PRKDC: variants seen among roughly 807,000 people sequenced by gnomAD.
PRKDC encodes the protein protein kinase, DNA-activated, catalytic subunit, also known as DNA-dependent protein kinase catalytic subunit.
PRKDC carries 82 observed loss-of-function variants against 486.9 expected under a neutral mutation model. The observed-to-expected ratio is 0.17, with a 90% confidence interval of 0.14 to 0.20. The LOEUF (loss-of-function observed/expected upper bound fraction) is 0.20, where lower values mean the gene tolerates loss of function less well. PRKDC is among the 10% of genes least tolerant of loss of function. The pLI is 1.00. For missense variants in PRKDC, 4,504 were observed against 5,038.2 expected (o/e 0.89, Z 3.21); for synonymous variants, 1,895 against 1,837.0 (o/e 1.03, Z -0.81).
intron 34 of PRKDC, 25 bp downstream of exon 34, chr8:47,888,493 T>C (rs746914673): frequency 4.1e-6 from 6 of 1,481,480 alleles, no homozygotes; most frequent in Admixed American, 2.4e-5. Flanking sequence ...CTAAAATAAA[T>C]GTAAAAACAA....
intron 7 of PRKDC, among the ~76,000 whole-genome samples, chr8:47,950,144 C>T (rs968873218): frequency 3.3e-5 from 5 of 151,912 alleles, no homozygotes; most frequent in Admixed American, 1.3e-4. Context: ...TGGTGGCACA[C>T]GCCTGTAATC....
At chr8:47,816,854 A>C (rs1166195358) in intron 68 of PRKDC, among the ~76,000 whole-genome samples, 1 of 152,090 alleles carries the variant, frequency 6.6e-6, no homozygotes, top group African/African-American at 2.4e-5. Flanking sequence ...GGAGGAAATA[A>C]TGGGAGACCA....
At chr8:47,901,809 G>A (rs1386551181) in intron 27 of PRKDC, among the ~76,000 whole-genome samples, 1 of 152,048 alleles carries the variant, frequency 6.6e-6, no homozygotes, top group African/African-American at 2.4e-5. Flanking sequence ...AGGTTACACA[G>A]GTAAATGTGG....
At chr8:47,929,703 G>A in intron 18 of PRKDC, 150 bp downstream of exon 18, 1 of 857,922 alleles carries the variant, frequency 1.2e-6, no homozygotes. Flanking sequence ...CTATCCAACT[G>A]CCATTCACAT....
intron 76 of PRKDC, among the ~76,000 whole-genome samples, chr8:47,787,346 A>T (rs995062869): frequency 6.6e-6 from 1 of 152,242 alleles, no homozygotes; most frequent in Non-Finnish European, 1.5e-5. Flanking sequence ...TTTGATCTGT[A>T]AGTGGATGAA....
chr8:47,871,890 CAGG>C (rs968378336), intron 40 of PRKDC, among the ~76,000 whole-genome samples: 6 of 151,686 alleles, frequency 4.0e-5, no homozygotes, highest in African/African-American at 1.4e-4. Flanking sequence ...CACGCCTGGC[CAGG>C]AGTTCTTTAA....
intron 10 of PRKDC, among the ~76,000 whole-genome samples, chr8:47,941,985 C>T (rs773068768): frequency 4.6e-5 from 7 of 152,292 alleles, no homozygotes; most frequent in Admixed American, 6.5e-5. Flanking sequence ...GAGGGCTGGC[C>T]GGCTTCCCTG....
In PRKDC at chr8:47,826,768, G is replaced by A. The variant is rs565638844; in HGVS notation, c.8671C>T (p.Arg2891Cys). The A allele has an allele frequency of 3.7e-5, 59 of 1,611,898 alleles. No homozygotes were observed. The highest frequency in any genetic ancestry group is 1.7e-4 in the Middle Eastern group (1 of 6,000). ...CGGAGCAGAGCCTCCTCTAGCAGGC[G>A]GATGCCCACGGGCTGCTGTAGGCTG... ...LASLQQPVGI[R>C]LLEEALLRLL... Residue 2891 changes from arginine to cysteine, a missense_variant, in exon 63 of 86, where the codon CGC becomes TGC. This residue lies in a region of PRKDC where 1,592 missense variants were observed against 1,724.6 expected (regional missense o/e 0.92). Transcript: ENST00000314191.
At chr8:47,915,854 C>G (rs185616138) in intron 22 of PRKDC, among the ~76,000 whole-genome samples, 2 of 152,302 alleles carry the variant, frequency 1.3e-5, no homozygotes, top group East Asian at 3.9e-4. Context: ...GTCTTTTTAG[C>G]TAACTGTAGT....
rs150355158 is a variant in PRKDC, at chr8:47,915,610, T to G, written c.2527-192A>C. 8.8e-4 allele frequency among the ~76,000 whole-genome samples: 134 copies of G among 152,378 alleles called. 3 individuals carry two copies. The East Asian group carries it at 0.024, about 27-fold the overall frequency. ...CCAAAGAGCTGTTTTATGTAGGTCCTGTTTATCAGTATTAATGACATTAGA... is the reference window on the plus strand; with the variant it reads ...CCAAAGAGCTGTTTTATGTAGGTCCGGTTTATCAGTATTAATGACATTAGA... On this transcript the variant is annotated intron_variant, in intron 22 of 85. Transcript: ENST00000314191.
rs942978285 is a variant in PRKDC at position 47,881,434 on chromosome 8, C to T, written c.5049G>A (p.Lys1683=). ...TGTTTACCTTTAAATGTAGATCCAG[C>T]TTTGTGTCAGCAAGTAGACTAATAT... ...TTYISLLADT[K]LDLHLKGQAV... The change falls in exon 38 of 86, where the codon AAG becomes AAA. Residue 1683 remains lysine, a synonymous_variant. Coordinates refer to ENST00000314191, the MANE Select transcript of PRKDC (RefSeq NM_006904.7). The T allele has an allele frequency of 2.6e-6, 4 of 1,551,788 alleles. No individual in the cohort carries two copies. The highest frequency in any genetic ancestry group is 3.5e-6 in the Non-Finnish European group (4 of 1,127,052).
chr8:47,823,609 G>A (rs1350996768), intron 64 of PRKDC, among the ~76,000 whole-genome samples: 1 of 151,610 alleles, frequency 6.6e-6, no homozygotes, highest in Non-Finnish European at 1.5e-5. Context: ...TTAACTAACT[G>A]AAAGAAAACA....
chr8:47,889,775 G>A (rs1225094423), intron 32 of PRKDC, among the ~76,000 whole-genome samples: 1 of 152,176 alleles, frequency 6.6e-6, no homozygotes, highest in Non-Finnish European at 1.5e-5. Flanking sequence ...TGAAGGACAT[G>A]CAAAGTTTCA....
intron 35 of PRKDC, 123 bp downstream of exon 35, chr8:47,887,424 T>A (rs933119974): frequency 1.1e-6 from 1 of 878,804 alleles, no homozygotes; most frequent in East Asian, 3.2e-5. Context: ...CTCATGCAAA[T>A]CATACAATAC....
At chr8:47,900,535 G>C in intron 27 of PRKDC, 68 bp from the exon 28 acceptor site, 1 of 1,394,996 alleles carries the variant, frequency 7.2e-7, no homozygotes, top group East Asian at 2.5e-5. Context: ...AGAAAAGAAG[G>C]AATGGAATTA....
intron 66 of PRKDC, 71 bp downstream of exon 66, chr8:47,820,648 G>T (rs2087569017): frequency 1.1e-6 from 1 of 880,820 alleles, no homozygotes. Context: ...GTATATTTCA[G>T]ATAGATCCAC....
At chr8:47,937,024 C>A (rs961396526) in intron 11 of PRKDC, among the ~76,000 whole-genome samples, 1 of 149,120 alleles carries the variant, frequency 6.7e-6, no homozygotes, top group East Asian at 2.0e-4. Context: ...GAGGCCGAGG[C>A]GGGCAGATCA....
intron 25 of PRKDC, among the ~76,000 whole-genome samples, chr8:47,911,156 C>T (rs1385183313): frequency 6.6e-6 from 1 of 152,212 alleles, no homozygotes; most frequent in Admixed American, 6.5e-5. Flanking sequence ...TACTGGCCCG[C>T]TGACAAGTGT....
At chr8:47,809,698 T>C (rs2087289661) in intron 68 of PRKDC, among the ~76,000 whole-genome samples, 2 of 152,344 alleles carry the variant, frequency 1.3e-5, no homozygotes, top group South Asian at 4.1e-4. Context: ...GGTATGGCAC[T>C]GTGAGCCCCT....
Sources: allele counts gnomAD v4.1 joint callset (sites outside exome capture counted in the v4.1 genomes callset), GRCh38; gene constraint gnomAD v4.1.1; regional missense constraint gnomAD v4.1.1; transcripts MANE v1.5; gene names NCBI Gene and HGNC (gene_info 2026-07-23, HGNC 2026-07-21).